CPQ: variants seen among roughly 807,000 people sequenced by gnomAD.
The protein encoded by CPQ is Ser-Met dipeptidase.
CPQ carries 37 observed loss-of-function variants against 45.7 expected under a neutral mutation model. That is an observed-to-expected ratio of 0.81 (90% CI 0.62 to 1.07). The LOEUF is 1.07. Ranked by LOEUF, CPQ falls within the 50% of genes least tolerant of loss-of-function variation. CPQ has a pLI of 0.00. For synonymous variants in CPQ, 186 were observed against 205.8 expected (o/e 0.90, Z 0.82); for missense variants, 537 against 572.9 (o/e 0.94, Z 0.64).
intron 1 of CPQ, among the ~76,000 whole-genome samples, chr8:96,723,440 C>T (rs944078537): frequency 3.3e-5 from 5 of 152,094 alleles, no homozygotes; most frequent in African/African-American, 1.2e-4. Context: ...CTACTCCCTC[C>T]ACCCCTTTGG....
intron 4 of CPQ, among the ~76,000 whole-genome samples, chr8:96,949,278 T>C (rs561406992): frequency 6.6e-6 from 1 of 152,084 alleles, no homozygotes; most frequent in South Asian, 2.1e-4. Context: ...TGTATTCATA[T>C]GCTTTAATTC....
chr8:96,807,889 T>C (rs1474358694), intron 2 of CPQ, among the ~76,000 whole-genome samples: 1 of 152,170 alleles, frequency 6.6e-6, no homozygotes, highest in African/African-American at 2.4e-5. Context: ...AAAGGCTCTT[T>C]TCCCACTTCA....
intron 4 of CPQ, among the ~76,000 whole-genome samples, chr8:96,898,300 T>A (rs1812469167): frequency 6.6e-6 from 1 of 152,122 alleles, no homozygotes; most frequent in African/African-American, 2.4e-5. Flanking sequence ...TTCAGTGAGA[T>A]GATGTCTCTG....
chr8:96,991,734 C>T (rs1586483781), intron 5 of CPQ, among the ~76,000 whole-genome samples: 2 of 152,050 alleles, frequency 1.3e-5, no homozygotes, highest in Non-Finnish European at 2.9e-5. Flanking sequence ...AGGACATGTA[C>T]TGTATTAACT....
chr8:96,978,600 G>C (rs1266947473), intron 5 of CPQ, among the ~76,000 whole-genome samples: 2 of 152,136 alleles, frequency 1.3e-5, no homozygotes, highest in African/African-American at 4.8e-5. Flanking sequence ...CTATGAGAGG[G>C]CCCCCTTTTC....
At chr8:96,799,848 A>G (rs1245225678) in intron 2 of CPQ, among the ~76,000 whole-genome samples, 1 of 152,184 alleles carries the variant, frequency 6.6e-6, no homozygotes, top group African/African-American at 2.4e-5. Context: ...ATGCCTTCCC[A>G]GTAGCCTTCC....
At chr8:96,859,265 C>T (rs1811896966) in intron 3 of CPQ, among the ~76,000 whole-genome samples, 1 of 152,226 alleles carries the variant, frequency 6.6e-6, no homozygotes, top group Non-Finnish European at 1.5e-5. Flanking sequence ...CTCCTCAGCA[C>T]TAAGAGACTG....
chr8:96,646,154 A>C (rs1815518203), intron 1 of CPQ, among the ~76,000 whole-genome samples: 1 of 151,804 alleles, frequency 6.6e-6, no homozygotes, highest in Admixed American at 6.6e-5. Flanking sequence ...TGAATGTCGC[A>C]CTTTTGCAAA....
chr8:97,141,523 A>G (rs929205392), intron 7 of CPQ, among the ~76,000 whole-genome samples: 2 of 152,180 alleles, frequency 1.3e-5, no homozygotes, highest in Non-Finnish European at 2.9e-5. Flanking sequence ...TAGTTTGACA[A>G]TATCAAGTGC....
intron 1 of CPQ, among the ~76,000 whole-genome samples, chr8:96,722,119 G>A (rs1403158029): frequency 6.6e-6 from 1 of 152,128 alleles, no homozygotes. Context: ...CTTGTCCAGT[G>A]CTATATCCAT....
intron 5 of CPQ, among the ~76,000 whole-genome samples, chr8:97,009,091 A>G (rs895216528): frequency 2.6e-5 from 4 of 152,216 alleles, no homozygotes; most frequent in African/African-American, 9.6e-5. Context: ...GTCAGGAGCA[A>G]AGCCACTTCT....
chr8:96,880,516 G>C (rs183445801), intron 4 of CPQ, among the ~76,000 whole-genome samples: 1,513 of 87,452 alleles, frequency 0.017, 52 homozygotes, highest in African/African-American at 0.06. Context: ...CAAATATATG[G>C]TCATATATAT....
chr8:96,646,684 A>C (rs890426284), intron 1 of CPQ, among the ~76,000 whole-genome samples: 2 of 152,130 alleles, frequency 1.3e-5, no homozygotes, highest in African/African-American at 4.8e-5. Context: ...TTTAGGTTTT[A>C]ATTTCTTAAT....
chr8:96,804,738 CAGTCTTACTATGATTCAAAGGACATT>C (rs1811056752), intron 2 of CPQ, among the ~76,000 whole-genome samples: 2 of 151,742 alleles, frequency 1.3e-5, no homozygotes, highest in Non-Finnish European at 2.9e-5. Context: ...TAAACTATGT[CAGTCTTACTATGATTCAAAGGACATT>C]AAAGCAAATG....
At chr8:96,698,238 A>G (rs911897201) in intron 1 of CPQ, among the ~76,000 whole-genome samples, 2 of 152,110 alleles carry the variant, frequency 1.3e-5, no homozygotes, top group East Asian at 1.9e-4. Context: ...CCAAGAACAT[A>G]TATTGGGGAA....
At chr8:96,733,772 G>A (rs1474083697) in intron 1 of CPQ, among the ~76,000 whole-genome samples, 1 of 151,966 alleles carries the variant, frequency 6.6e-6, no homozygotes, top group African/African-American at 2.4e-5. Flanking sequence ...TTGAAATCTA[G>A]GAGGTATTTT....
intron 1 of CPQ, among the ~76,000 whole-genome samples, chr8:96,697,047 C>G (rs574623311): frequency 1.2e-4 from 19 of 152,174 alleles, no homozygotes; most frequent in Admixed American, 1.0e-3. Context: ...ATACAAAAAC[C>G]AAACAATGAC....
chr8:96,888,099 G>A (rs1006152324), intron 4 of CPQ, among the ~76,000 whole-genome samples: 1 of 152,098 alleles, frequency 6.6e-6, no homozygotes, highest in Non-Finnish European at 1.5e-5. Flanking sequence ...GTGCATTGTG[G>A]GGTGTTTAGC....
intron 1 of CPQ, among the ~76,000 whole-genome samples, chr8:96,740,441 G>C (rs1810070855): frequency 6.6e-6 from 1 of 151,762 alleles, no homozygotes; most frequent in Non-Finnish European, 1.5e-5. Flanking sequence ...TTTCCTAATT[G>C]AATACCCTTT....
Sources: allele counts gnomAD v4.1 joint callset (sites outside exome capture counted in the v4.1 genomes callset), GRCh38; gene constraint gnomAD v4.1.1; transcripts MANE v1.5; gene names NCBI Gene and HGNC (gene_info 2026-07-23, HGNC 2026-07-21).